Variants in HIVEP3 observed in about 807,000 individuals in gnomAD.
HIVEP3 encodes the protein HIVEP zinc finger 3, also known as transcription factor HIVEP3.
A neutral mutation model predicts 152.8 loss-of-function variants in HIVEP3; 49 were observed. That is an observed-to-expected ratio of 0.32 (90% CI 0.26 to 0.41). The LOEUF (loss-of-function observed/expected upper bound fraction) is 0.41. HIVEP3 is among the 10% of genes least tolerant of loss of function. The pLI, the probability that HIVEP3 is intolerant of heterozygous loss-of-function variation, is 1.00. For synonymous variants in HIVEP3, 1,269 were observed against 1,289.0 expected, an observed-to-expected ratio of 0.98 and a Z score of 0.33; for missense variants, 2,790 against 3,103.3, an observed-to-expected ratio of 0.90 and a Z score of 2.40.
At chr1:41,918,997 C>T (rs1417853168), upstream of HIVEP3, among the ~76,000 whole-genome samples, 2 of 152,152 alleles carry the variant, frequency 1.3e-5, no homozygotes, top group Admixed American at 6.5e-5. This position sits in a 1 kb window ranked among gnomAD's most constrained non-coding sequence, Gnocchi z 4.3. Flanking sequence ...TCACTCCCAG[C>T]GCAGGAAGCC....
chr1:41,735,678 G>A (rs1220870390), intron 1 of HIVEP3, among the ~76,000 whole-genome samples: 1 of 152,098 alleles, frequency 6.6e-6, no homozygotes, highest in East Asian at 1.9e-4. Context: ...GCATTGCTGG[G>A]GAATTAAACC....
At chr1:41,562,627 CT>C (rs1558063109) in intron 5 of HIVEP3, among the ~76,000 whole-genome samples, 2 of 112,540 alleles carry the variant, frequency 1.8e-5, no homozygotes, top group African/African-American at 4.0e-5. Context: ...CTCTCTCTCT[CT>C]CTCTCCCTCT....
intron 1 of HIVEP3, among the ~76,000 whole-genome samples, chr1:41,862,134 T>C (rs1347868006): frequency 6.6e-6 from 1 of 152,128 alleles, no homozygotes; most frequent in East Asian, 1.9e-4. Flanking sequence ...CACCCAAAGG[T>C]GGCACTGACT....
upstream of HIVEP3, among the ~76,000 whole-genome samples, chr1:41,919,146 TAC>T (rs1000272209): frequency 7.9e-5 from 12 of 152,294 alleles, no homozygotes; most frequent in African/African-American, 2.6e-4. Context: ...TATATATATA[TAC>T]GTGGAGAGAA....
chr1:41,922,839 A>G (rs1644948340), upstream of HIVEP3, among the ~76,000 whole-genome samples: 1 of 151,968 alleles, frequency 6.6e-6, no homozygotes, highest in Non-Finnish European at 1.5e-5. Context: ...GAAAGGAAGG[A>G]AGGGAAGAGA....
chr1:41,700,174 T>A (rs1174975972), intron 2 of HIVEP3, among the ~76,000 whole-genome samples: 1 of 152,254 alleles, frequency 6.6e-6, no homozygotes, highest in South Asian at 2.1e-4. Flanking sequence ...TATTTGCACA[T>A]CGATCTCCTC....
In HIVEP3 at chr1:41,966,475, C is replaced by CTTTTTTTTTTTTTTTTTTTTT. The variant is rs58470482; in HGVS notation, n.120-47952_120-47951insAAAAAAAAAAAAAAAAAAAAA. Among the ~76,000 whole-genome samples, 44 of 95,816 alleles carry CTTTTTTTTTTTTTTTTTTTTT rather than the reference C, an allele frequency of 4.6e-4. 6 individuals carry two copies. Among genetic ancestry groups the CTTTTTTTTTTTTTTTTTTTTT allele is most frequent in the East Asian group, 2.5e-3 (6 of 2,366 alleles). 62.9% of individuals were successfully genotyped at this position (95,816 alleles called of 152,430 possible). ...TCAAGACCCATCAGTGTGCTGTATT[C>CTTTTTTTTTTTTTTTTTTTTT]TTTTTTTTTTTTTTTTGAGATGGAG... is the stretch of plus-strand genomic sequence containing the variant. On this transcript the variant is annotated intron_variant and non_coding_transcript_variant, in intron 1 of 3. Transcript: ENST00000489103.
chr1:41,538,919 C>G (rs1195081136), intron 5 of HIVEP3, among the ~76,000 whole-genome samples: 1 of 152,150 alleles, frequency 6.6e-6, no homozygotes, highest in Non-Finnish European at 1.5e-5. Flanking sequence ...AATCTGTGCT[C>G]CGGATTCATG....
chr1:41,671,140 G>C (rs1645869529), intron 2 of HIVEP3, among the ~76,000 whole-genome samples: 1 of 152,178 alleles, frequency 6.6e-6, no homozygotes, highest in Admixed American at 6.5e-5. Flanking sequence ...CCTCTCAGGG[G>C]ACTTGTGAGG....
At position 41,579,776 on chromosome 1, in the gene HIVEP3, C is replaced by G; in HGVS notation, c.5022G>C (p.Arg1674Ser). ...GCTTGCGGGAGCTGGATGGCACAAGCCTTCCTGCCTCAGGATGCGGAGCTG... is the reference window on the plus strand; with the variant it reads ...GCTTGCGGGAGCTGGATGGCACAAGGCTTCCTGCCTCAGGATGCGGAGCTG... ...MATAPHPEAG[R>S]LVPSSSRKPR... is the part of the protein sequence containing the mutation. Residue 1674 changes from arginine to serine, a missense_variant, in exon 4 of 9, where the codon AGG (arginine) becomes AGC (serine). This residue lies in a region of HIVEP3 where 1,078 missense variants were observed against 1,165.3 expected (regional missense o/e 0.93). Transcript: ENST00000372583. The G allele has an allele frequency of 6.2e-7, 1 of 1,600,692 alleles. No individual in the cohort carries two copies. Among genetic ancestry groups the G allele is most frequent in the South Asian group, 1.1e-5 (1 of 90,172 alleles).
intron 1 of HIVEP3, among the ~76,000 whole-genome samples, chr1:41,910,444 C>T (rs988377303): frequency 6.6e-6 from 1 of 151,794 alleles, no homozygotes; most frequent in Non-Finnish European, 1.5e-5. Flanking sequence ...GAAAGAACTC[C>T]AGCCTCACAG....
chr1:41,937,605 C>A (rs141032941), intron 1 of HIVEP3, among the ~76,000 whole-genome samples: 190 of 152,264 alleles, frequency 1.2e-3, no homozygotes, highest in Middle Eastern at 3.4e-3. Context: ...AAATATCTCA[C>A]CAATAATTTT....
chr1:41,914,506 G>T (rs1347706368), intron 1 of HIVEP3, among the ~76,000 whole-genome samples: 1 of 152,094 alleles, frequency 6.6e-6, no homozygotes, highest in Non-Finnish European at 1.5e-5. Flanking sequence ...CATATGTATT[G>T]AATTTTTAAA....
intron 1 of HIVEP3, among the ~76,000 whole-genome samples, chr1:41,983,879 A>G (rs1645307803): frequency 6.6e-6 from 1 of 152,250 alleles, no homozygotes; most frequent in African/African-American, 2.4e-5. Context: ...GCAGGATGTA[A>G]CAAACATACA....
chr1:41,668,991 C>G (rs567789119), intron 2 of HIVEP3, among the ~76,000 whole-genome samples: 1 of 152,264 alleles, frequency 6.6e-6, no homozygotes, highest in African/African-American at 2.4e-5. Flanking sequence ...GCTACTCTGC[C>G]TGGGAGTGCA....
At chr1:41,824,784 T>TATAGAGAGAGAG (rs1553266584) in intron 1 of HIVEP3, among the ~76,000 whole-genome samples, 16 of 11,372 alleles carry the variant, frequency 1.4e-3, no homozygotes, top group Non-Finnish European at 2.0e-3. Flanking sequence ...TATATATATA[T>TATAGAGAGAGAG]AGAGAGAGAG....
chr1:41,924,715 G>C (rs1346532351), intron 1 of HIVEP3, among the ~76,000 whole-genome samples: 1 of 152,084 alleles, frequency 6.6e-6, no homozygotes, highest in African/African-American at 2.4e-5. Flanking sequence ...TGGGAATAAA[G>C]GTTCCATAAA....
chr1:41,859,129 C>T (rs1389224917), intron 1 of HIVEP3, among the ~76,000 whole-genome samples: 2 of 152,122 alleles, frequency 1.3e-5, no homozygotes, highest in African/African-American at 4.8e-5. Flanking sequence ...AGAAGAATGC[C>T]CAGCACACAG....
At chr1:41,757,418 A>C (rs1267840721) in intron 1 of HIVEP3, among the ~76,000 whole-genome samples, 4 of 151,740 alleles carry the variant, frequency 2.6e-5, no homozygotes, top group East Asian at 1.9e-4. Flanking sequence ...TGCCCGGCCC[A>C]AAAAAATATT....
Sources: allele counts gnomAD v4.1 joint callset (sites outside exome capture counted in the v4.1 genomes callset), GRCh38; gene constraint gnomAD v4.1.1; regional missense constraint gnomAD v4.1.1; non-coding constraint Gnocchi (gnomAD v3.1); transcripts MANE v1.5; gene names NCBI Gene and HGNC (gene_info 2026-07-23, HGNC 2026-07-21).